TFB1M: variants seen among roughly 807,000 people sequenced by gnomAD.
TFB1M encodes dimethyladenosine transferase 1, mitochondrial.
TFB1M carries 27 observed loss-of-function variants against 31.1 expected under a neutral mutation model. The ratio of observed to expected loss-of-function variants is 0.87; its 90% confidence interval spans 0.64 to 1.20. TFB1M has a LOEUF of 1.20. TFB1M is among the 50% of genes most tolerant of loss of function. The pLI is 0.00. For synonymous variants in TFB1M, 166 were observed against 151.8 expected (o/e 1.09, Z -0.69); for missense variants, 394 against 418.7 (o/e 0.94, Z 0.51).
At chr6:155,238,365 G>A in the TFB1M span, among the ~76,000 whole-genome samples, 1 of 152,194 alleles carries the variant, frequency 6.6e-6, no homozygotes, top group Non-Finnish European at 1.5e-5. Flanking sequence ...ACACTTTCCT[G>A]TCTTCTTCTG....
intron 4 of TFB1M, among the ~76,000 whole-genome samples, chr6:155,293,482 T>C (rs529568109): frequency 1.6e-4 from 24 of 152,318 alleles, no homozygotes; most frequent in Non-Finnish European, 3.1e-4. Context: ...ACTCTCCCTT[T>C]TCAACATTTC....
At chr6:155,302,625 CAG>C (rs1048393029) in intron 2 of TFB1M, among the ~76,000 whole-genome samples, 1 of 152,012 alleles carries the variant, frequency 6.6e-6, no homozygotes, top group African/African-American at 2.4e-5. Context: ...CAAAAACAAA[CAG>C]AAATCACATA....
At chr6:155,252,043 T>C (rs751752451), downstream of TFB1M, 3 of 1,494,386 alleles carry the variant, frequency 2.0e-6, no homozygotes, top group Admixed American at 1.9e-5. Flanking sequence ...TACCTTTTCA[T>C]AGCTGTATCT....
chr6:155,271,473 C>G (rs1175806445), intron 5 of TFB1M, among the ~76,000 whole-genome samples: 1 of 152,138 alleles, frequency 6.6e-6, no homozygotes, highest in Non-Finnish European at 1.5e-5. Flanking sequence ...ACCACACACA[C>G]AAAAATACCT....
the TFB1M span, among the ~76,000 whole-genome samples, chr6:155,250,234 G>C: frequency 1.3e-5 from 2 of 151,864 alleles, no homozygotes; most frequent in African/African-American, 4.8e-5. Context: ...GGGTGGGGTG[G>C]AGAAAGGACA....
chr6:155,292,291 T>G (rs1583357848), intron 4 of TFB1M, among the ~76,000 whole-genome samples: 1 of 151,296 alleles, frequency 6.6e-6, no homozygotes, highest in African/African-American at 2.4e-5. Flanking sequence ...GAGCAGCGGG[T>G]GGGGGAGACA....
the TFB1M span, among the ~76,000 whole-genome samples, chr6:155,248,359 T>TG: frequency 1.1e-4 from 17 of 152,250 alleles, no homozygotes; most frequent in Non-Finnish European, 4.4e-5. Context: ...GCTAGGCGTC[T>TG]GGGCACTCCT....
the TFB1M span, among the ~76,000 whole-genome samples, chr6:155,237,452 C>T: frequency 1.3e-5 from 2 of 152,224 alleles, no homozygotes; most frequent in African/African-American, 4.8e-5. Flanking sequence ...GCCCTCTTCT[C>T]ACAACTCCAC....
chr6:155,276,364 G>C, intron 5 of TFB1M: 1 of 1,612,710 alleles, frequency 6.2e-7, no homozygotes, highest in South Asian at 1.1e-5. Context: ...CACACAATCT[G>C]AAGGATTATG....
chr6:155,254,376 A>G (rs781022334), downstream of TFB1M: 2 of 1,598,770 alleles, frequency 1.3e-6, no homozygotes, highest in South Asian at 2.2e-5. Flanking sequence ...AGCACGATGA[A>G]CACTGTGGAC....
chr6:155,275,347 G>A (rs547299290), intron 5 of TFB1M, among the ~76,000 whole-genome samples: 147 of 152,268 alleles, frequency 9.7e-4, no homozygotes, highest in Non-Finnish European at 8.5e-4. Flanking sequence ...ACATGTCCAC[G>A]CTACAGTTTC....
downstream of TFB1M, chr6:155,254,426 G>GA: frequency 6.2e-7 from 1 of 1,611,864 alleles, no homozygotes; most frequent in Non-Finnish European, 8.5e-7. Flanking sequence ...CAGTGACAGT[G>GA]AAAGCAAAAC....
chr6:155,293,319 T>C (rs987416939), intron 4 of TFB1M, among the ~76,000 whole-genome samples: 5 of 152,210 alleles, frequency 3.3e-5, no homozygotes, highest in Admixed American at 3.3e-4. Flanking sequence ...TCACTGCTGA[T>C]TTTTGATCTG....
intron 5 of TFB1M, among the ~76,000 whole-genome samples, chr6:155,263,118 T>A (rs1229131483): frequency 2.0e-5 from 3 of 152,210 alleles, no homozygotes; most frequent in African/African-American, 4.8e-5. Context: ...TCCTCTCCCT[T>A]TCCCCCAAAG....
Position 155,314,467 on chromosome 6 carries a change from G to A in TFB1M, c.-39C>T, listed in dbSNP as rs1008297400. ...CACCATCCAACCCTACCTCACCCAGGACCTTCACCGCCGCTCCGAAAGAAA... is the reference window on the plus strand; with the variant it reads ...CACCATCCAACCCTACCTCACCCAGAACCTTCACCGCCGCTCCGAAAGAAA... On this transcript the variant is annotated 5_prime_UTR_variant, in exon 1 of 7. Coordinates refer to ENST00000367166, the MANE Select transcript of TFB1M (RefSeq NM_016020.4). The A allele has an allele frequency of 3.7e-6, 6 of 1,611,826 alleles. No homozygotes were observed. In the Admixed American group the frequency reaches 1.0e-4, roughly 27 times the overall value.
downstream of TFB1M, chr6:155,253,901 C>A: frequency 8.5e-7 from 1 of 1,175,160 alleles, no homozygotes; most frequent in South Asian, 1.4e-5. Context: ...GAGATTTCAA[C>A]TTTACAAGTG....
chr6:155,305,282 ATT>A (rs1235375226), intron 2 of TFB1M, among the ~76,000 whole-genome samples: 1 of 38,730 alleles, frequency 2.6e-5, no homozygotes, highest in Non-Finnish European at 4.1e-5. Context: ...ATATATATAT[ATT>A]AAATTATATA....
the TFB1M span, chr6:155,240,454 CT>C: frequency 6.8e-7 from 1 of 1,477,668 alleles, no homozygotes; most frequent in South Asian, 1.3e-5. Context: ...GACGGAGACA[CT>C]TGGTGCCCTT....
At chr6:155,250,031 T>A in the TFB1M span, 1 of 1,287,320 alleles carries the variant, frequency 7.8e-7, no homozygotes, top group South Asian at 1.4e-5. Flanking sequence ...GTAGGTGACC[T>A]TCTAGATAGG....
Sources: gnomAD v4.1 joint callset for allele counts (sites outside exome capture counted in the v4.1 genomes callset) on GRCh38, gnomAD v4.1.1 for gene constraint, MANE v1.5 for transcripts, NCBI Gene and HGNC (gene_info 2026-07-23, HGNC 2026-07-21) for gene names.